Variants in MCTP1 observed in about 807,000 individuals in gnomAD.
MCTP1 encodes multiple C2 and transmembrane domain containing 1, also known as multiple C2 and transmembrane domain-containing protein 1.
Under a neutral mutation model 120.6 loss-of-function variants are expected in MCTP1, and 69 were observed. The observed-to-expected ratio is 0.57, with a 90% CI of 0.47 to 0.70. MCTP1 has a LOEUF of 0.70. Among genes scored for constraint, MCTP1 ranks in the 30% least tolerant of loss-of-function variants. The pLI is 0.00. For synonymous variants in MCTP1, 529 were observed against 493.1 expected, an observed-to-expected ratio of 1.07 and a Z score of -0.96; for missense variants, 1,203 against 1,248.8, an observed-to-expected ratio of 0.96 and a Z score of 0.55.
chr5:95,020,648 T>C (rs765185044), intron 1 of MCTP1, among the ~76,000 whole-genome samples: 11 of 152,070 alleles, frequency 7.2e-5, no homozygotes, highest in Non-Finnish European at 1.3e-4. Flanking sequence ...GTATTTCTTA[T>C]CTTGCCTGAT....
intron 19 of MCTP1, among the ~76,000 whole-genome samples, chr5:94,743,989 GA>G (rs1186785656): frequency 6.6e-6 from 1 of 151,850 alleles, no homozygotes; most frequent in Admixed American, 6.6e-5. Flanking sequence ...TTCTTTTTCT[GA>G]GTCAGGATGT....
chr5:94,938,978 G>A (rs545510167), intron 5 of MCTP1, among the ~76,000 whole-genome samples: 43 of 151,932 alleles, frequency 2.8e-4, no homozygotes, highest in Non-Finnish European at 5.3e-4. Context: ...TCTCACACTA[G>A]GTATTATTAT....
At chr5:94,711,651 AG>A (rs1757054716) in intron 20 of MCTP1, among the ~76,000 whole-genome samples, 1 of 152,074 alleles carries the variant, frequency 6.6e-6, no homozygotes, top group Non-Finnish European at 1.5e-5. Context: ...GGGTCAGAGA[AG>A]GCTGCAAGAC....
intron 1 of MCTP1, among the ~76,000 whole-genome samples, chr5:95,135,263 T>C (rs919443530): frequency 7.2e-5 from 11 of 152,086 alleles, no homozygotes; most frequent in African/African-American, 2.7e-4. Flanking sequence ...GACCATAATA[T>C]CAACAAATCA....
intron 17 of MCTP1, among the ~76,000 whole-genome samples, chr5:94,849,745 T>C (rs1420873651): frequency 1.3e-5 from 2 of 152,112 alleles, no homozygotes; most frequent in Non-Finnish European, 2.9e-5. Context: ...TTTCAACCCA[T>C]GAATTAGAAA....
chr5:95,263,907 G>A (rs1758677401), intron 1 of MCTP1, among the ~76,000 whole-genome samples: 1 of 152,056 alleles, frequency 6.6e-6, no homozygotes, highest in Admixed American at 6.6e-5. Flanking sequence ...CTCCACCCAG[G>A]GGCAGGCAAC....
intron 1 of MCTP1, among the ~76,000 whole-genome samples, chr5:95,130,273 C>T (rs750851189): frequency 1.3e-4 from 20 of 152,076 alleles, no homozygotes; most frequent in Non-Finnish European, 2.4e-4. Context: ...GTAAGAAAAA[C>T]GTGTCTCCTA....
chr5:94,942,703 C>CA (rs1371615287), intron 3 of MCTP1, among the ~76,000 whole-genome samples: 1 of 151,874 alleles, frequency 6.6e-6, no homozygotes, highest in Non-Finnish European at 1.5e-5. Flanking sequence ...AGTAAATCTT[C>CA]AAAAATGTGG....
At chr5:94,743,031 C>T (rs935533225) in intron 19 of MCTP1, among the ~76,000 whole-genome samples, 3 of 151,418 alleles carry the variant, frequency 2.0e-5, no homozygotes, top group Non-Finnish European at 4.4e-5. Context: ...CCTAGAAGCA[C>T]GGAAGACTTC....
At chr5:94,829,852 G>C (rs951184297) in intron 17 of MCTP1, among the ~76,000 whole-genome samples, 2 of 152,112 alleles carry the variant, frequency 1.3e-5, no homozygotes, top group Admixed American at 1.3e-4. Context: ...GTTCAGCCCT[G>C]AGTATTAGCA....
At chr5:94,830,500 A>G (rs1788258561) in intron 17 of MCTP1, among the ~76,000 whole-genome samples, 1 of 152,222 alleles carries the variant, frequency 6.6e-6, no homozygotes, top group African/African-American at 2.4e-5. Flanking sequence ...AAAAGTTCAC[A>G]TTGGGACCAT....
chr5:94,745,074 A>AG (rs1766558870), intron 19 of MCTP1, among the ~76,000 whole-genome samples: 1 of 90,222 alleles, frequency 1.1e-5, no homozygotes, highest in Non-Finnish European at 2.4e-5. Context: ...CCACCCACAG[A>AG]GAGTAAGAAT....
chr5:94,971,538 T>C (rs1038028774), intron 2 of MCTP1, among the ~76,000 whole-genome samples: 1 of 152,134 alleles, frequency 6.6e-6, no homozygotes, highest in Non-Finnish European at 1.5e-5. Context: ...AGACAGACAT[T>C]TCCCACTAGT....
chr5:94,947,577 T>TATATATATATAGAGAGAGAGAG, intron 3 of MCTP1, among the ~76,000 whole-genome samples: 11 of 47,392 alleles, frequency 2.3e-4, no homozygotes, highest in South Asian at 7.0e-4. Context: ...TATATATATA[T>TATATATATATAGAGAGAGAGAG]AGAGAGAGAG....
At chr5:94,983,164 G>A (rs1829801058) in intron 2 of MCTP1, among the ~76,000 whole-genome samples, 1 of 152,012 alleles carries the variant, frequency 6.6e-6, no homozygotes, top group Admixed American at 6.6e-5. Context: ...CCAATACCAG[G>A]AATGTGCTTG....
At chr5:94,940,817 C>A (rs555789359) in intron 4 of MCTP1, among the ~76,000 whole-genome samples, 1 of 151,024 alleles carries the variant, frequency 6.6e-6, no homozygotes, top group Non-Finnish European at 1.5e-5. Context: ...TTCAGAGGTA[C>A]CTCAATGTAT....
At chr5:94,752,032 A>G (rs886222095) in intron 19 of MCTP1, among the ~76,000 whole-genome samples, 9 of 147,678 alleles carry the variant, frequency 6.1e-5, no homozygotes, top group South Asian at 2.2e-4. Context: ...TGGGTGCAGC[A>G]CACCAGCATG....
intron 17 of MCTP1, chr5:94,826,346 G>A: frequency 1.8e-6 from 1 of 560,146 alleles, no homozygotes; most frequent in South Asian, 1.8e-5. Flanking sequence ...GTTCCACTGA[G>A]GATTTGATGA....
intron 1 of MCTP1, among the ~76,000 whole-genome samples, chr5:95,209,654 C>A (rs887844335): frequency 6.6e-6 from 1 of 152,146 alleles, no homozygotes; most frequent in Non-Finnish European, 1.5e-5. Flanking sequence ...CTGGGGTTCA[C>A]CAGTGGCTAA....
Sources: gnomAD v4.1 joint callset for allele counts (sites outside exome capture counted in the v4.1 genomes callset) on GRCh38, gnomAD v4.1.1 for gene constraint, MANE v1.5 for transcripts, NCBI Gene and HGNC (gene_info 2026-07-23, HGNC 2026-07-21) for gene names.